CNTN4: variants seen among roughly 807,000 people sequenced by gnomAD.
The protein encoded by CNTN4 is contactin-4.
CNTN4 carries 77 observed loss-of-function variants against 122.5 expected under a neutral mutation model. The ratio of observed to expected loss-of-function variants is 0.63; its 90% CI spans 0.52 to 0.76. The LOEUF is 0.76. CNTN4 is among the 30% of genes least tolerant of loss of function. CNTN4 has a pLI of 0.00. For synonymous variants in CNTN4, 512 were observed against 447.0 expected (o/e 1.15, Z -1.83); for missense variants, 1,256 against 1,259.1 (o/e 1.00, Z 0.04).
chr3:2,899,737 C>A (rs978525519), intron 10 of CNTN4, among the ~76,000 whole-genome samples: 2 of 152,058 alleles, frequency 1.3e-5, no homozygotes, highest in African/African-American at 4.8e-5. Flanking sequence ...ACTTTGAATT[C>A]TTGTGTTAGA....
chr3:2,927,236 G>A (rs1206695243), intron 13 of CNTN4: 2 of 446,798 alleles, frequency 4.5e-6, no homozygotes, highest in Admixed American at 4.8e-5. Context: ...CTATGCTACT[G>A]TAACAAGCAA....
At chr3:2,679,716 C>A (rs919511171) in intron 4 of CNTN4, among the ~76,000 whole-genome samples, 1 of 152,176 alleles carries the variant, frequency 6.6e-6, no homozygotes, top group Non-Finnish European at 1.5e-5. Context: ...TCTACCCAAT[C>A]TTTCCCCTCC....
chr3:2,323,066 AT>A (rs1260164174), intron 2 of CNTN4, among the ~76,000 whole-genome samples: 1 of 152,072 alleles, frequency 6.6e-6, no homozygotes, highest in Non-Finnish European at 1.5e-5. Context: ...AAGCAAAGGT[AT>A]TTTTCTTGCA....
chr3:2,810,990 T>C (rs372816167), intron 6 of CNTN4, among the ~76,000 whole-genome samples: 1 of 151,478 alleles, frequency 6.6e-6, no homozygotes, highest in African/African-American at 2.4e-5. Flanking sequence ...CATAGTGATG[T>C]TCATGGCTGC....
At chr3:2,765,067 A>G (rs2090785131) in intron 6 of CNTN4, among the ~76,000 whole-genome samples, 1 of 152,242 alleles carries the variant, frequency 6.6e-6, no homozygotes, top group Admixed American at 6.5e-5. Flanking sequence ...GAGAAACTCA[A>G]AACTGAGTTT....
intron 2 of CNTN4, among the ~76,000 whole-genome samples, chr3:2,239,274 T>G (rs1406857050): frequency 6.6e-6 from 1 of 152,196 alleles, no homozygotes; most frequent in East Asian, 1.9e-4. Flanking sequence ...GTTTGATTTA[T>G]GCGGACGATC....
chr3:2,632,295 T>G (rs1576292012), intron 4 of CNTN4, among the ~76,000 whole-genome samples: 1 of 152,204 alleles, frequency 6.6e-6, no homozygotes, highest in South Asian at 2.1e-4. Context: ...TCAAAACCTT[T>G]TAGGTAAAGC....
chr3:2,685,588 C>A (rs550155509), intron 4 of CNTN4, among the ~76,000 whole-genome samples: 7 of 152,052 alleles, frequency 4.6e-5, no homozygotes, highest in Non-Finnish European at 1.0e-4. Flanking sequence ...GATTAAAAAC[C>A]CAAGTAATCT....
At chr3:2,141,878 T>G (rs185290302) in intron 2 of CNTN4, among the ~76,000 whole-genome samples, 2 of 152,306 alleles carry the variant, frequency 1.3e-5, no homozygotes, top group Admixed American at 1.3e-4. Context: ...GCATCCATTT[T>G]ATGAATCCAT....
At chr3:2,465,634 G>T (rs187656897) in intron 3 of CNTN4, among the ~76,000 whole-genome samples, 13 of 152,070 alleles carry the variant, frequency 8.5e-5, no homozygotes, top group African/African-American at 3.1e-4. Context: ...CCGAGATTGC[G>T]CCACTTCACT....
At chr3:2,314,845 A>G (rs2043038895) in intron 2 of CNTN4, among the ~76,000 whole-genome samples, 1 of 152,014 alleles carries the variant, frequency 6.6e-6, no homozygotes, top group Admixed American at 6.6e-5. Context: ...AATATGAACA[A>G]TCAATTTTGA....
intron 3 of CNTN4, among the ~76,000 whole-genome samples, chr3:2,400,095 A>G (rs1413267186): frequency 6.6e-6 from 1 of 151,932 alleles, no homozygotes; most frequent in African/African-American, 2.4e-5. Context: ...CTATAGGTGG[A>G]TATCAGTCCT....
intron 4 of CNTN4, among the ~76,000 whole-genome samples, chr3:2,708,666 G>A (rs2086892764): frequency 6.7e-6 from 1 of 149,890 alleles, no homozygotes. Flanking sequence ...TCCTAGAGAG[G>A]CAATCCATTC....
intron 6 of CNTN4, among the ~76,000 whole-genome samples, chr3:2,759,373 C>T (rs2090483698): frequency 6.6e-6 from 1 of 152,168 alleles, no homozygotes; most frequent in African/African-American, 2.4e-5. Context: ...TCTTGAACTC[C>T]TGACCTCAGG....
At chr3:2,424,267 C>T (rs2047730965) in intron 3 of CNTN4, among the ~76,000 whole-genome samples, 2 of 139,714 alleles carry the variant, frequency 1.4e-5, no homozygotes, top group East Asian at 2.5e-4. Context: ...TTCCTGTGTC[C>T]AACTGTTCTC....
intron 6 of CNTN4, among the ~76,000 whole-genome samples, chr3:2,779,848 A>C (rs1178175260): frequency 1.3e-5 from 2 of 152,246 alleles, no homozygotes; most frequent in Non-Finnish European, 2.9e-5. Context: ...AAAAGCCTTC[A>C]TAAAGATAAT....
intron 3 of CNTN4, among the ~76,000 whole-genome samples, chr3:2,443,127 C>T (rs967080766): frequency 6.7e-6 from 1 of 149,440 alleles, no homozygotes; most frequent in African/African-American, 2.5e-5. Context: ...TCACATGTAC[C>T]TCGAAACCTC....
At chr3:2,539,789 C>A (rs540431509) in intron 3 of CNTN4, among the ~76,000 whole-genome samples, 3 of 152,226 alleles carry the variant, frequency 2.0e-5, no homozygotes, top group East Asian at 3.9e-4. Context: ...AATATAGAAT[C>A]TTTGAGATAA....
chr3:2,572,833 A>G (rs978152404), intron 4 of CNTN4, among the ~76,000 whole-genome samples: 1 of 152,168 alleles, frequency 6.6e-6, no homozygotes, highest in African/African-American at 2.4e-5. Flanking sequence ...ACTTCTGACA[A>G]CTTGTTGTAG....
Sources: allele counts gnomAD v4.1 joint callset (sites outside exome capture counted in the v4.1 genomes callset), GRCh38; gene constraint gnomAD v4.1.1; transcripts MANE v1.5; gene names NCBI Gene and HGNC (gene_info 2026-07-23, HGNC 2026-07-21).